Variants in PLXDC2 observed in about 807,000 individuals in gnomAD.
PLXDC2 encodes the protein plexin domain-containing protein 2.
A neutral mutation model predicts 68.9 loss-of-function variants in PLXDC2; 40 were observed. That is an observed-to-expected ratio of 0.58 (90% CI 0.45 to 0.76). The LOEUF (loss-of-function observed/expected upper bound fraction) is 0.76. Ranked by LOEUF, PLXDC2 falls within the 30% of genes least tolerant of loss-of-function variation. PLXDC2 has a pLI of 0.00. For synonymous variants in PLXDC2, 243 were observed against 234.2 expected (o/e 1.04, Z -0.34); for missense variants, 644 against 661.9 (o/e 0.97, Z 0.30).
At chr10:19,892,567 A>G (rs752615948) in intron 1 of PLXDC2, among the ~76,000 whole-genome samples, 2 of 152,350 alleles carry the variant, frequency 1.3e-5, no homozygotes, top group Non-Finnish European at 1.5e-5. Context: ...ATGTCTAGGC[A>G]TATTGATTGC....
intron 10 of PLXDC2, among the ~76,000 whole-genome samples, chr10:20,215,019 G>A (rs1382848250): frequency 1.3e-5 from 2 of 152,174 alleles, no homozygotes; most frequent in African/African-American, 2.4e-5. Flanking sequence ...ACATAAAGAT[G>A]TTCATTGCAG....
At chr10:20,237,194 A>G (rs2778984) in intron 12 of PLXDC2, among the ~76,000 whole-genome samples, 72,369 of 151,904 alleles carry the variant, frequency 0.48, 18,622 homozygotes, top group Middle Eastern at 0.65. Flanking sequence ...ATATCTTTTC[A>G]CAGTGATTAC....
At chr10:20,024,575 T>C (rs2131661668) in intron 2 of PLXDC2, among the ~76,000 whole-genome samples, 1 of 152,348 alleles carries the variant, frequency 6.6e-6, no homozygotes, top group East Asian at 1.9e-4. Context: ...GTTCTTGTTT[T>C]TGTTTTTCTT....
Position 20,044,207 on chromosome 10 carries a change from C to CTCTT in PLXDC2, c.325-2659_325-2658insTTCT, listed in dbSNP as rs1564293827. Among the ~76,000 whole-genome samples the CTCTT allele has an allele frequency of 1.5e-3, 131 of 90,002 alleles. 5 individuals are homozygous for CTCTT. Among genetic ancestry groups the CTCTT allele is most frequent in the Admixed American group, 2.1e-3 (17 of 8,082 alleles). The allele number at this position is 90,002 out of a possible 152,430, so 59.0% of individuals were successfully genotyped here. On this transcript the variant is annotated intron_variant, in intron 2 of 13. Transcript: ENST00000377252. The stretch of plus-strand genomic sequence containing the variant: ...TTTCTTTCTTTCTCTCTCTCTCTCT[C>CTCTT]TCTGTCTTTCTTTCTTTCTTTCTTT...
intron 13 of PLXDC2, among the ~76,000 whole-genome samples, chr10:20,257,989 T>A (rs867754864): frequency 4.0e-4 from 51 of 126,896 alleles, no homozygotes; most frequent in Admixed American, 9.5e-4. Flanking sequence ...ATTTTCTTTT[T>A]TTTCTTTCTT....
intron 1 of PLXDC2, among the ~76,000 whole-genome samples, chr10:19,906,212 A>G (rs1253411069): frequency 6.6e-6 from 1 of 152,016 alleles, no homozygotes; most frequent in African/African-American, 2.4e-5. Flanking sequence ...GTGTGTTGTA[A>G]GATGTGTGTT....
chr10:19,861,550 G>A (rs763117063), intron 1 of PLXDC2, among the ~76,000 whole-genome samples: 1 of 152,044 alleles, frequency 6.6e-6, no homozygotes, highest in Non-Finnish European at 1.5e-5. Context: ...CTCAATTTAT[G>A]CCTCTCCATT....
At chr10:20,071,845 G>C (rs1299718443) in intron 4 of PLXDC2, among the ~76,000 whole-genome samples, 1 of 152,138 alleles carries the variant, frequency 6.6e-6, no homozygotes, top group Non-Finnish European at 1.5e-5. Context: ...CTTAGAGGAA[G>C]GTAGAATTTT....
chr10:20,245,210 T>A, intron 12 of PLXDC2, 135 bp from the exon 13 acceptor site: 1 of 843,466 alleles, frequency 1.2e-6, no homozygotes, highest in South Asian at 2.1e-5. Flanking sequence ...ACCTGTAAAA[T>A]TGATGTTGCA....
chr10:20,017,254 G>C (rs12358662), intron 2 of PLXDC2, among the ~76,000 whole-genome samples: 17,636 of 152,146 alleles, frequency 0.12, 1,172 homozygotes, highest in Admixed American at 0.18. Context: ...GTGCTTCTAG[G>C]GGGGCAGGGG....
At chr10:20,065,960 A>G (rs1398064989) in intron 3 of PLXDC2, among the ~76,000 whole-genome samples, 2 of 152,252 alleles carry the variant, frequency 1.3e-5, no homozygotes, top group Admixed American at 1.3e-4. Context: ...TAGAGAATGA[A>G]TTTAAAGAGA....
intron 1 of PLXDC2, among the ~76,000 whole-genome samples, chr10:19,966,455 G>GCACATATATAAAAAA (rs1462042772): frequency 1.6e-3 from 35 of 22,298 alleles, no homozygotes; most frequent in African/African-American, 2.4e-3. Context: ...AAACATGTGT[G>GCACATATATAAAAAA]TATATGTACA....
chr10:19,862,614 C>G (rs1837337918), intron 1 of PLXDC2, among the ~76,000 whole-genome samples: 1 of 152,138 alleles, frequency 6.6e-6, no homozygotes, highest in South Asian at 2.1e-4. Context: ...AGAAAGTTTA[C>G]TGGGTTTATG....
chr10:20,022,492 G>A (rs1293138386), intron 2 of PLXDC2, among the ~76,000 whole-genome samples: 2 of 152,168 alleles, frequency 1.3e-5, no homozygotes, highest in East Asian at 1.9e-4. Context: ...AAAGCCACAT[G>A]AGGGACTGCA....
intron 7 of PLXDC2, among the ~76,000 whole-genome samples, chr10:20,172,230 GAAAAAAAA>G (rs571463676): frequency 8.1e-5 from 9 of 110,600 alleles, no homozygotes; most frequent in Middle Eastern, 9.6e-3. Context: ...TTGTGAAAAG[GAAAAAAAA>G]AAAAAAAAAA....
intron 5 of PLXDC2, among the ~76,000 whole-genome samples, chr10:20,145,401 G>T (rs1036077903): frequency 6.6e-6 from 1 of 152,102 alleles, no homozygotes; most frequent in Non-Finnish European, 1.5e-5. Flanking sequence ...TCATTGACAG[G>T]ATACTTAAAG....
rs1363795271 is a variant in PLXDC2 at position 20,105,952 on chromosome 10, T to C, written c.542-37343T>C. On this transcript the variant is annotated intron_variant, in intron 4 of 13. Coordinates refer to ENST00000377252, the MANE Select transcript of PLXDC2 (RefSeq NM_032812.9). Reference sequence around the variant, plus strand: ...TGAAAAATATGATTATTTAAATTAGTGTTGGCCTTGAATAGTTTAAAATTT... The same window carrying C: ...TGAAAAATATGATTATTTAAATTAGCGTTGGCCTTGAATAGTTTAAAATTT... Among the ~76,000 whole-genome samples, 6 of 152,210 alleles carry C rather than the reference T, an allele frequency of 3.9e-5. No individual in the cohort carries two copies. The East Asian group carries it at 1.2e-3, about 29-fold the overall frequency.
At chr10:20,228,049 T>C (rs7074175) in intron 12 of PLXDC2, among the ~76,000 whole-genome samples, 51,753 of 151,948 alleles carry the variant, frequency 0.34, 8,876 homozygotes, top group Non-Finnish European at 0.38. Context: ...AGTGGTGCCA[T>C]TGAATAGGAA....
chr10:20,041,929 C>A (rs1034685000), intron 2 of PLXDC2, among the ~76,000 whole-genome samples: 1 of 152,088 alleles, frequency 6.6e-6, no homozygotes, highest in African/African-American at 2.4e-5. Flanking sequence ...AATAAGGACC[C>A]CACTCTTATG....
Sources: gnomAD v4.1 joint callset for allele counts (sites outside exome capture counted in the v4.1 genomes callset) on GRCh38, gnomAD v4.1.1 for gene constraint, MANE v1.5 for transcripts, NCBI Gene and HGNC (gene_info 2026-07-23, HGNC 2026-07-21) for gene names.